The following PEMT variants were observed in gnomAD, a reference collection of about 807,000 sequenced individuals.
The protein encoded by PEMT is phospholipid methyltransferase.
In PEMT, 23 loss-of-function variants were observed where a neutral mutation model predicts 27.4. That is an observed-to-expected ratio of 0.84 (90% CI 0.60 to 1.19). The LOEUF (loss-of-function observed/expected upper bound fraction) is 1.19. Ranked by LOEUF, PEMT falls within the 50% of genes most tolerant of loss-of-function variation. The pLI is 0.00. For synonymous variants in PEMT, 137 were observed against 139.1 expected, an observed-to-expected ratio of 0.98 and a Z score of 0.11; for missense variants, 307 against 310.1, an observed-to-expected ratio of 0.99 and a Z score of 0.07.
intron 5 of PEMT, chr17:17,506,940 C>T (rs371161064): frequency 4.2e-5 from 23 of 545,874 alleles, no homozygotes; most frequent in Non-Finnish European, 6.9e-5. Flanking sequence ...CAGGAGCCCC[C>T]GGTCACCCCA....
intron 2 of PEMT, among the ~76,000 whole-genome samples, chr17:17,560,718 G>T (rs1230284932): frequency 6.6e-6 from 1 of 152,102 alleles, no homozygotes; most frequent in African/African-American, 2.4e-5. Flanking sequence ...TGGTGACCGG[G>T]TGACAGGTCC....
intron 2 of PEMT, among the ~76,000 whole-genome samples, chr17:17,559,889 C>T (rs1910349576): frequency 6.6e-6 from 1 of 152,204 alleles, no homozygotes; most frequent in South Asian, 2.1e-4. Context: ...TGCACGGCTG[C>T]GAGTGGCCCG....
chr17:17,555,418 G>T (rs1193366095), intron 2 of PEMT, among the ~76,000 whole-genome samples: 1 of 152,212 alleles, frequency 6.6e-6, no homozygotes, highest in African/African-American at 2.4e-5. Context: ...GTCACAGTGT[G>T]CTGCCCTGGA....
At chr17:17,567,820 C>T (rs1910933046) in intron 2 of PEMT, among the ~76,000 whole-genome samples, 1 of 152,176 alleles carries the variant, frequency 6.6e-6, no homozygotes, top group African/African-American at 2.4e-5. Flanking sequence ...CTTCTTGTGC[C>T]ACAGGCTCCG....
chr17:17,537,604 A>G (rs1908574537), intron 2 of PEMT, among the ~76,000 whole-genome samples: 1 of 152,158 alleles, frequency 6.6e-6, no homozygotes, highest in African/African-American at 2.4e-5. Context: ...GCACGTGGCC[A>G]CCTCTTCCAT....
chr17:17,577,446 G>C, intron 1 of PEMT: 1 of 1,041,844 alleles, frequency 9.6e-7, no homozygotes, highest in Non-Finnish European at 1.2e-6. Flanking sequence ...TAAAACAATA[G>C]TGGTGTGCCT....
chr17:17,542,225 C>CGG (rs1567702483), intron 2 of PEMT, among the ~76,000 whole-genome samples: 5 of 100,482 alleles, frequency 5.0e-5, no homozygotes, highest in Non-Finnish European at 1.2e-4. Context: ...AGGTGATCTA[C>CGG]CCGCCTCAGC....
intron 2 of PEMT, among the ~76,000 whole-genome samples, chr17:17,542,465 G>A (rs1322375921): frequency 6.6e-6 from 1 of 152,150 alleles, no homozygotes; most frequent in Non-Finnish European, 1.5e-5. Flanking sequence ...ACGGGCTCCT[G>A]GGATTACCTC....
At chr17:17,541,101 T>G (rs2142600203) in intron 2 of PEMT, among the ~76,000 whole-genome samples, 1 of 152,342 alleles carries the variant, frequency 6.6e-6, no homozygotes, top group East Asian at 1.9e-4. Flanking sequence ...TGCATCTGCA[T>G]GTTTATTCCA....
intron 2 of PEMT, among the ~76,000 whole-genome samples, chr17:17,557,284 G>C (rs1240388412): frequency 6.6e-6 from 1 of 152,192 alleles, no homozygotes; most frequent in Non-Finnish European, 1.5e-5. Context: ...GACCTACATA[G>C]AGCCGACACC....
intron 2 of PEMT, among the ~76,000 whole-genome samples, chr17:17,567,100 G>A (rs1910876427): frequency 6.6e-6 from 1 of 152,194 alleles, no homozygotes; most frequent in African/African-American, 2.4e-5. Flanking sequence ...ACACGCTTGG[G>A]TCCCACCCAG....
At chr17:17,588,567 C>T (rs1912438932) in intron 1 of PEMT, among the ~76,000 whole-genome samples, 1 of 152,178 alleles carries the variant, frequency 6.6e-6, no homozygotes, top group African/African-American at 2.4e-5. Flanking sequence ...TCACTGTCCC[C>T]ATTCTTCTTG....
In PEMT at chr17:17,505,690, G is replaced by A. The variant is rs971880541; in HGVS notation, c.*101C>T. 30 of 1,347,278 alleles carry A rather than the reference G, an allele frequency of 2.2e-5. No individual in the cohort carries two copies. Among genetic ancestry groups the A allele is most frequent in the African/African-American group, 1.4e-4 (9 of 66,194 alleles). 83.5% of individuals were successfully genotyped at this position (1,347,278 alleles called of 1,614,324 possible). On this transcript the variant is annotated 3_prime_UTR_variant, in exon 7 of 7. Transcript: ENST00000255389. ...CACTGGGGCAGCCCACGCCGGGGGC[G>A]AGCCCTGAGCAGCAGGCACCATTCT... is the stretch of plus-strand genomic sequence containing the variant.
chr17:17,506,205 A>G (rs879066664), intron 6 of PEMT, 22 bp downstream of exon 6: 1 of 1,523,744 alleles, frequency 6.6e-7, no homozygotes. Context: ...CCACGCCCCC[A>G]CCCGCCGCAG....
At chr17:17,562,597 T>C (rs1910566701) in intron 2 of PEMT, among the ~76,000 whole-genome samples, 1 of 152,128 alleles carries the variant, frequency 6.6e-6, no homozygotes, top group Admixed American at 6.5e-5. Context: ...TCACTTGAGG[T>C]CAGGAGTTTG....
Position 17,557,501 on chromosome 17 carries a change from C to T in PEMT, c.204+19419G>A, listed in dbSNP as rs140826213. On this transcript the variant is annotated intron_variant, in intron 2 of 6. Transcript: ENST00000255389. ...CCCGCTGCCTCAGAGGCTCCTGGCTCGCTCTGGGACCCAGGCGGTAATGAG... is the reference window on the plus strand; with the variant it reads ...CCCGCTGCCTCAGAGGCTCCTGGCTTGCTCTGGGACCCAGGCGGTAATGAG... Among the ~76,000 whole-genome samples the T allele has an allele frequency of 4.9e-4, 74 of 152,336 alleles. No individual in the cohort carries two copies. The Middle Eastern group carries it at 0.017, about 35-fold the overall frequency.
At chr17:17,525,797 A>G (rs769369711) in intron 2 of PEMT, among the ~76,000 whole-genome samples, 4 of 152,230 alleles carry the variant, frequency 2.6e-5, no homozygotes, top group Non-Finnish European at 5.9e-5. Context: ...GTTCGAGACC[A>G]GCCAGGCCAA....
intron 1 of PEMT, among the ~76,000 whole-genome samples, chr17:17,583,406 T>A (rs1912079682): frequency 6.6e-6 from 1 of 152,216 alleles, no homozygotes; most frequent in Non-Finnish European, 1.5e-5. Context: ...AAATATTTTT[T>A]AAAAAGTTTA....
intron 2 of PEMT, among the ~76,000 whole-genome samples, chr17:17,547,805 C>G (rs1266985861): frequency 6.6e-6 from 1 of 152,164 alleles, no homozygotes; most frequent in Non-Finnish European, 1.5e-5. Context: ...AGGTTTATCT[C>G]GGACTTGGTA....
Sources: gnomAD v4.1 joint callset for allele counts (sites outside exome capture counted in the v4.1 genomes callset) on GRCh38, gnomAD v4.1.1 for gene constraint, MANE v1.5 for transcripts, NCBI Gene and HGNC (gene_info 2026-07-23, HGNC 2026-07-21) for gene names.